The following GLCCI1 variants were observed in gnomAD, a reference collection of about 807,000 sequenced individuals.
GLCCI1 encodes glucocorticoid-induced transcript 1 protein.
A neutral mutation model predicts 52.2 loss-of-function variants in GLCCI1; 24 were observed. That is an observed-to-expected ratio of 0.46 (90% confidence interval 0.33 to 0.65). GLCCI1 has a LOEUF of 0.65. Among genes scored for constraint, GLCCI1 ranks in the 30% least tolerant of loss-of-function variants. The probability of loss-of-function intolerance (pLI) is 0.02; values close to 1 mark genes in which losing one functional copy is unlikely to be tolerated. For missense variants in GLCCI1, 704 were observed against 701.5 expected, an observed-to-expected ratio of 1.00 and a Z score of -0.04; for synonymous variants, 310 against 276.5, an observed-to-expected ratio of 1.12 and a Z score of -1.20.
intron 6 of GLCCI1, among the ~76,000 whole-genome samples, chr7:8,080,917 T>C (rs1353525662): frequency 4.0e-5 from 6 of 149,490 alleles, no homozygotes; most frequent in Non-Finnish European, 4.4e-5. Context: ...CAAGTGATCC[T>C]CCCGCCTCAG....
rs1246132036 is a variant in GLCCI1 at position 8,083,170 on chromosome 7, G to T, written c.1178-1727G>T. ...ATACATAGGTGTATATATTTATAGG[G>T]TACATGAGATGTTTTGATACACGTA... On this transcript the variant is annotated intron_variant, in intron 6 of 7. Coordinates refer to ENST00000223145, the MANE Select transcript of GLCCI1 (RefSeq NM_138426.4). Among the ~76,000 whole-genome samples the T allele has an allele frequency of 2.6e-5, 4 of 152,022 alleles. No homozygotes were observed. In the East Asian group the frequency reaches 7.7e-4, roughly 29 times the overall value.
intron 4 of GLCCI1, among the ~76,000 whole-genome samples, chr7:8,058,580 G>A (rs766492508): frequency 5.3e-5 from 8 of 152,080 alleles, no homozygotes; most frequent in Non-Finnish European, 8.8e-5. Context: ...GAAATGGTGG[G>A]GCAATTGGAT....
rs71014746 is a variant in GLCCI1, at chr7:8,012,432, C to CTTTTTTTTTTTTTTTTTTTTT, written c.609+8383_609+8403dup. On this transcript the variant is annotated intron_variant, in intron 2 of 7. Coordinates refer to ENST00000223145, the MANE Select transcript of GLCCI1 (RefSeq NM_138426.4). ...CCATTCTGTGGGTTGCCTTTTTATT[C>CTTTTTTTTTTTTTTTTTTTTT]TTTTTTTTTTTTTTTTTTTTTTTTT... Among the ~76,000 whole-genome samples, 7 of 70,396 alleles carry CTTTTTTTTTTTTTTTTTTTTT rather than the reference C, an allele frequency of 9.9e-5. 1 individual carries two copies. Among genetic ancestry groups the CTTTTTTTTTTTTTTTTTTTTT allele is most frequent in the African/African-American group, 1.1e-4 (2 of 17,404 alleles). The allele number at this position is 70,396 out of a possible 152,430, so 46.2% of individuals were successfully genotyped here. A position where few individuals can be genotyped will look rare whatever the true frequency, so the allele number is the denominator to read the frequency against.
At chr7:8,010,111 G>C (rs1168331598) in intron 2 of GLCCI1, among the ~76,000 whole-genome samples, 1 of 152,068 alleles carries the variant, frequency 6.6e-6, no homozygotes, top group Admixed American at 6.6e-5. Context: ...TGTATGAGTA[G>C]TCCATCCAAA....
intron 2 of GLCCI1, 178 bp downstream of exon 2, chr7:8,004,237 T>G (rs555026276): frequency 3.6e-6 from 2 of 562,108 alleles, no homozygotes; most frequent in South Asian, 6.3e-5. Flanking sequence ...TCATCTGGCT[T>G]TTAGAAGTTT....
chr7:7,991,216 T>C (rs1157535206), intron 1 of GLCCI1, among the ~76,000 whole-genome samples: 1 of 152,100 alleles, frequency 6.6e-6, no homozygotes, highest in African/African-American at 2.4e-5. Context: ...TTTGTAGTTA[T>C]TACATAAGCA....
chr7:8,012,485 C>T (rs1203773003), intron 2 of GLCCI1, among the ~76,000 whole-genome samples: 1 of 116,258 alleles, frequency 8.6e-6, no homozygotes, highest in African/African-American at 3.3e-5. Context: ...TGCTCTGTCA[C>T]CCAGGCTGGA....
intron 3 of GLCCI1, among the ~76,000 whole-genome samples, chr7:8,046,231 T>C (rs1230645023): frequency 6.6e-6 from 1 of 151,756 alleles, no homozygotes; most frequent in African/African-American, 2.4e-5. Flanking sequence ...GGTAAAGAGG[T>C]TTAAAACATG....
chr7:8,011,182 T>C (rs1781255994), intron 2 of GLCCI1, among the ~76,000 whole-genome samples: 1 of 152,188 alleles, frequency 6.6e-6, no homozygotes. Flanking sequence ...ATTTTTTAAA[T>C]GTACAGTTCC....
At chr7:8,081,032 A>G (rs889815504) in intron 6 of GLCCI1, among the ~76,000 whole-genome samples, 2 of 151,952 alleles carry the variant, frequency 1.3e-5, no homozygotes, top group Non-Finnish European at 1.5e-5. Flanking sequence ...GGTATTTTCT[A>G]TTTTATAGAT....
chr7:7,981,228 A>G (rs561137091), intron 1 of GLCCI1: 5 of 264,384 alleles, frequency 1.9e-5, no homozygotes, highest in Middle Eastern at 1.4e-3. Context: ...GACAGGAGAA[A>G]TCCTCTGTTA....
chr7:8,048,253 C>G (rs1462463492), intron 3 of GLCCI1, among the ~76,000 whole-genome samples: 1 of 152,098 alleles, frequency 6.6e-6, no homozygotes, highest in East Asian at 1.9e-4. Context: ...ATCTCTTACT[C>G]TCTCTTAGCC....
In GLCCI1 at chr7:8,060,131, A is replaced by T. The variant is rs931603172; in HGVS notation, c.849A>T (p.Ser283=). Reference sequence around the variant, plus strand: ...CAAGGTCAGTTCCTATGCCACTGTCAAATATATCAGTGCCAAAATCATCTG... The same window carrying T: ...CAAGGTCAGTTCCTATGCCACTGTCTAATATATCAGTGCCAAAATCATCTG... ...TGSRSVPMPL[S]NISVPKSSVS... is the part of the protein sequence containing the mutation. Residue 283 remains serine (S), a synonymous_variant, in exon 5 of 8, where the codon TCA becomes TCT. Transcript: ENST00000223145. 5.0e-6 allele frequency: 8 copies of T among 1,613,664 alleles called. No individual in the cohort carries two copies. The highest frequency in any genetic ancestry group is 6.8e-6 in the Non-Finnish European group (8 of 1,179,812).
At chr7:7,991,750 T>A (rs891175819) in intron 1 of GLCCI1, among the ~76,000 whole-genome samples, 45 of 152,224 alleles carry the variant, frequency 3.0e-4, no homozygotes, top group African/African-American at 1.1e-3. Flanking sequence ...CATTATCCCA[T>A]CATTTCTCAT....
At chr7:8,078,490 G>A (rs969074659) in intron 6 of GLCCI1, 1 of 152,032 alleles carries the variant, frequency 6.6e-6, no homozygotes, top group Non-Finnish European at 1.5e-5. Flanking sequence ...TATATTTCTA[G>A]GTGATATATG....
chr7:8,073,935 A>G (rs1376600823), intron 6 of GLCCI1, among the ~76,000 whole-genome samples: 3 of 152,128 alleles, frequency 2.0e-5, no homozygotes, highest in Non-Finnish European at 4.4e-5. Context: ...GTTATGCAAT[A>G]CAAGGTTTCT....
chr7:8,033,786 T>C (rs954249847), intron 3 of GLCCI1, among the ~76,000 whole-genome samples: 15 of 152,154 alleles, frequency 9.9e-5, no homozygotes, highest in Non-Finnish European at 1.8e-4. Context: ...TGTTCATGGA[T>C]TGGAAGAATC....
At position 7,982,270 on chromosome 7, in the gene GLCCI1, C is replaced by T. The variant is rs192247401; in HGVS notation, c.457+12463C>T. 4.6e-3 allele frequency: 974 copies of T among 211,052 alleles called. 13 individuals carry two copies. The highest frequency in any genetic ancestry group is 0.019 in the African/African-American group (815 of 42,020). 13.1% of individuals were successfully genotyped at this position (211,052 alleles called of 1,614,324 possible). A position where few individuals can be genotyped will look rare whatever the true frequency, so the allele number is the denominator to read the frequency against. ...CAGAATTGAGTGGCTAACATATTCA[C>T]CCTTGTCTAACTTAGAGTGCCAGGA... On this transcript the variant is annotated intron_variant, in intron 1 of 7. Transcript: ENST00000223145.
intron 2 of GLCCI1, among the ~76,000 whole-genome samples, chr7:8,016,748 A>G (rs898488555): frequency 6.6e-6 from 1 of 152,216 alleles, no homozygotes; most frequent in Non-Finnish European, 1.5e-5. Flanking sequence ...GAAACAATCC[A>G]TGTTAAGCTT....
Sources: allele counts gnomAD v4.1 joint callset (sites outside exome capture counted in the v4.1 genomes callset), GRCh38; gene constraint gnomAD v4.1.1; transcripts MANE v1.5; gene names NCBI Gene and HGNC (gene_info 2026-07-23, HGNC 2026-07-21).